CDK6: variants seen among roughly 807,000 people sequenced by gnomAD.
The protein encoded by CDK6 is cyclin-dependent kinase 6.
CDK6 carries 6 observed loss-of-function variants against 37.1 expected under a neutral mutation model. The ratio of observed to expected loss-of-function variants is 0.16; its 90% CI spans 0.09 to 0.32. The LOEUF (loss-of-function observed/expected upper bound fraction) is 0.32, where lower values mean the gene tolerates loss of function less well. Among genes scored for constraint, CDK6 ranks in the 10% least tolerant of loss-of-function variants. CDK6 has a pLI of 1.00. For missense variants in CDK6, 224 were observed against 418.9 expected, an observed-to-expected ratio of 0.53 and a Z score of 4.06; for synonymous variants, 160 against 161.3, an observed-to-expected ratio of 0.99 and a Z score of 0.06.
intron 2 of CDK6, among the ~76,000 whole-genome samples, chr7:92,783,681 A>C (rs764235285): frequency 6.6e-6 from 1 of 152,198 alleles, no homozygotes; most frequent in Non-Finnish European, 1.5e-5. Flanking sequence ...GGAATCCCCT[A>C]AACTGGGCAA....
At chr7:92,679,625 C>T (rs1462381361) in intron 4 of CDK6, among the ~76,000 whole-genome samples, 1 of 152,196 alleles carries the variant, frequency 6.6e-6, no homozygotes, top group Non-Finnish European at 1.5e-5. Context: ...CTTTCTAATA[C>T]ATATGTTTTT....
intron 4 of CDK6, among the ~76,000 whole-genome samples, chr7:92,704,427 T>C (rs967459739): frequency 1.3e-5 from 2 of 152,180 alleles, no homozygotes; most frequent in African/African-American, 4.8e-5. Context: ...TTCTTCTGTA[T>C]TTCTAATTCT....
At chr7:92,773,705 A>G (rs1283849624) in intron 3 of CDK6, among the ~76,000 whole-genome samples, 1 of 152,214 alleles carries the variant, frequency 6.6e-6, no homozygotes, top group Non-Finnish European at 1.5e-5. Context: ...AAAAAATACA[A>G]TATTAATCTA....
intron 4 of CDK6, among the ~76,000 whole-genome samples, chr7:92,695,744 T>C (rs1797702711): frequency 6.6e-6 from 1 of 152,236 alleles, no homozygotes. Flanking sequence ...AGCCAATGTT[T>C]ACAATCCCCT....
At chr7:92,702,823 A>T (rs1269833784) in intron 4 of CDK6, among the ~76,000 whole-genome samples, 1 of 152,138 alleles carries the variant, frequency 6.6e-6, no homozygotes, top group East Asian at 1.9e-4. Context: ...GTAGCCAGGC[A>T]TAACTATGTT....
rs897792395 is a variant in CDK6 at position 92,690,175 on chromosome 7, G to A, written c.538-18640C>T. On this transcript the variant is annotated intron_variant, in intron 4 of 7. Coordinates refer to ENST00000424848, the MANE Select transcript of CDK6 (RefSeq NM_001145306.2). ...TGCTTCTGTTGCAATTGCTTTTGGA[G>A]TCTTTGTCATGAAATCTTTGCCTGT... Among the ~76,000 whole-genome samples the A allele has an allele frequency of 4.6e-5, 7 of 152,226 alleles. No individual in the cohort carries two copies. The East Asian group carries it at 9.6e-4, about 21-fold the overall frequency.
intron 5 of CDK6, among the ~76,000 whole-genome samples, chr7:92,642,155 G>T (rs982685533): frequency 2.0e-5 from 3 of 152,144 alleles, no homozygotes; most frequent in Admixed American, 6.5e-5. Flanking sequence ...AGACCAAGTA[G>T]GAGCCCCCAA....
At chr7:92,622,182 C>A (rs184092360) in intron 6 of CDK6, among the ~76,000 whole-genome samples, 2 of 152,056 alleles carry the variant, frequency 1.3e-5, no homozygotes, top group African/African-American at 4.8e-5. Context: ...AAAAGGATGC[C>A]ACACTGCATG....
rs547856111 is a variant in CDK6, at chr7:92,795,059, T to C, written c.234-20228A>G. Among the ~76,000 whole-genome samples, 3 of 152,224 alleles carry C rather than the reference T, an allele frequency of 2.0e-5. No individual in the cohort carries two copies. The South Asian group carries it at 6.2e-4, about 32-fold the overall frequency. ...TGTATGGAGTGTTTTCATTTTCTCTTTGTCTCATTATTTTCAAGTCACATG... is the reference window on the plus strand; with the variant it reads ...TGTATGGAGTGTTTTCATTTTCTCTCTGTCTCATTATTTTCAAGTCACATG... On this transcript the variant is annotated intron_variant, in intron 2 of 7. Coordinates refer to ENST00000424848, the MANE Select transcript of CDK6 (RefSeq NM_001145306.2).
rs189675043 is a variant in CDK6, at chr7:92,609,889, C to G, written c.*5251G>C. 168 of 230,386 alleles carry G rather than the reference C, an allele frequency of 7.3e-4. No homozygotes were observed. The highest frequency in any genetic ancestry group is 3.7e-3 in the African/African-American group (166 of 45,316). 14.3% of individuals were successfully genotyped at this position (230,386 alleles called of 1,614,324 possible). On this transcript the variant is annotated 3_prime_UTR_variant, in exon 8 of 8. Transcript: ENST00000424848. ...TGGGTGTATTATCCATCCTTAAGAA[C>G]AATTTATTTGCAGACAATTGTTCAG...
intron 4 of CDK6, among the ~76,000 whole-genome samples, chr7:92,675,035 T>C (rs559777498): frequency 3.5e-4 from 53 of 152,278 alleles, no homozygotes; most frequent in Non-Finnish European, 7.2e-4. Flanking sequence ...GGTTTCACCA[T>C]GTTGGCCAGG....
intron 3 of CDK6, among the ~76,000 whole-genome samples, chr7:92,752,133 T>G (rs1243159966): frequency 2.0e-5 from 3 of 152,184 alleles, no homozygotes; most frequent in South Asian, 2.1e-4. Flanking sequence ...TGCCTCCATC[T>G]GTAAAATAAG....
At position 92,643,712 on chromosome 7, in the gene CDK6, A is replaced by G. The variant is rs572271416; in HGVS notation, c.648-20626T>C. On this transcript the variant is annotated intron_variant, in intron 5 of 7. Transcript: ENST00000424848. ...TTGGGTTCTGTTAAACAAGTCAACC[A>G]CGATTTTTAATCCATGTGCTTTATC... Among the ~76,000 whole-genome samples the G allele has an allele frequency of 4.6e-5, 7 of 152,336 alleles. No homozygotes were observed. The South Asian group carries it at 1.4e-3, about 32-fold the overall frequency.
intron 2 of CDK6, among the ~76,000 whole-genome samples, chr7:92,789,548 T>C (rs1800230139): frequency 6.6e-6 from 1 of 152,220 alleles, no homozygotes; most frequent in African/African-American, 2.4e-5. Context: ...AAGTTTTATA[T>C]ACTATTAAAG....
intron 3 of CDK6, among the ~76,000 whole-genome samples, chr7:92,731,100 C>T (rs1372637018): frequency 6.6e-6 from 1 of 152,220 alleles, no homozygotes; most frequent in African/African-American, 2.4e-5. Flanking sequence ...ATCTACACTG[C>T]AGGTCCCCAC....
intron 2 of CDK6, among the ~76,000 whole-genome samples, chr7:92,812,897 A>G (rs527704756): frequency 2.0e-5 from 3 of 152,188 alleles, no homozygotes; most frequent in Non-Finnish European, 4.4e-5. Context: ...CAATCACCAG[A>G]ATTTATTTTT....
chr7:92,668,833 C>T (rs887663208), intron 5 of CDK6, among the ~76,000 whole-genome samples: 3 of 152,090 alleles, frequency 2.0e-5, no homozygotes, highest in African/African-American at 7.2e-5. Flanking sequence ...AGGGTAGCCA[C>T]CCTAGGAGGG....
At chr7:92,681,715 T>C (rs1362164439) in intron 4 of CDK6, among the ~76,000 whole-genome samples, 1 of 152,238 alleles carries the variant, frequency 6.6e-6, no homozygotes, top group Admixed American at 6.5e-5. Flanking sequence ...GGTCCTGTCC[T>C]AGTGTTCCTC....
intron 5 of CDK6, among the ~76,000 whole-genome samples, chr7:92,624,146 C>T (rs776902549): frequency 6.6e-6 from 1 of 152,098 alleles, no homozygotes; most frequent in Non-Finnish European, 1.5e-5. Context: ...CTCAACCATA[C>T]TTTCTATGAA....
Sources: gnomAD v4.1 joint callset for allele counts (sites outside exome capture counted in the v4.1 genomes callset) on GRCh38, gnomAD v4.1.1 for gene constraint, MANE v1.5 for transcripts, NCBI Gene and HGNC (gene_info 2026-07-23, HGNC 2026-07-21) for gene names.